The following WDFY3 variants were observed in gnomAD, a reference collection of about 807,000 sequenced individuals.
WDFY3 encodes the protein WD repeat and FYVE domain containing 3, also known as WD repeat and FYVE domain-containing protein 3.
Under a neutral mutation model 409.6 loss-of-function variants are expected in WDFY3, and 66 were observed. That is an observed-to-expected ratio of 0.16 (90% CI 0.13 to 0.20). The LOEUF (loss-of-function observed/expected upper bound fraction) is 0.20. WDFY3 is among the 10% of genes least tolerant of loss of function. The pLI is 1.00. For synonymous variants in WDFY3, 1,521 were observed against 1,537.1 expected (o/e 0.99, Z 0.25); for missense variants, 3,031 against 4,298.1 (o/e 0.71, Z 8.24).
At chr4:84,732,340 A>T (rs1022712642) in intron 44 of WDFY3, among the ~76,000 whole-genome samples, 11 of 152,216 alleles carry the variant, frequency 7.2e-5, no homozygotes, top group Non-Finnish European at 5.9e-5. Context: ...TGATTAAATC[A>T]AGCTAATTAA....
At chr4:84,684,220 A>ATTTTCT in intron 62 of WDFY3, 95 bp from the exon 63 acceptor site, 1 of 1,282,360 alleles carries the variant, frequency 7.8e-7, no homozygotes. Context: ...GTTCTCAGAA[A>ATTTTCT]GCCTTTCAGT....
chr4:84,755,633 A>T (rs777364582), intron 33 of WDFY3, among the ~76,000 whole-genome samples: 56 of 152,332 alleles, frequency 3.7e-4, no homozygotes, highest in South Asian at 4.1e-4. Flanking sequence ...TTAGGTACCT[A>T]TGTTAAAAAC....
chr4:84,684,931 G>A (rs1381500862), intron 62 of WDFY3, among the ~76,000 whole-genome samples: 1 of 152,208 alleles, frequency 6.6e-6, no homozygotes, highest in African/African-American at 2.4e-5. Context: ...GACTTCAGAT[G>A]TTCTAGTTAA....
intron 13 of WDFY3, among the ~76,000 whole-genome samples, chr4:84,813,546 C>T (rs1014101224): frequency 6.6e-6 from 1 of 152,116 alleles, no homozygotes; most frequent in Non-Finnish European, 1.5e-5. Flanking sequence ...CATTCAGTGG[C>T]ACATTAGTTG....
rs755751886 is a variant in WDFY3 at position 84,684,069 on chromosome 4, G to T, written c.9600C>A (p.Asn3200Lys). Residue 3200 changes from asparagine (N) to lysine (K), a missense_variant, in exon 63 of 68, where the codon AAC becomes AAA. Around this residue, in one of 16 missense-constraint regions of WDFY3, gnomAD observed 378 missense variants for 477.3 expected, o/e 0.79. Coordinates refer to ENST00000295888, the MANE Select transcript of WDFY3 (RefSeq NM_014991.6). The stretch of plus-strand genomic sequence containing the variant: ...TGAACGTGTTGACACTCACGATAGG[G>T]TTCCCATTGATGCTCCACACATGGA... ...TYIHVWSING[N>K]PIVSVNTFTG... 3 of 1,612,680 alleles carry T rather than the reference G, an allele frequency of 1.9e-6. No individual in the cohort carries two copies. The highest frequency in any genetic ancestry group is 1.7e-5 in the Admixed American group (1 of 59,982).
At position 84,778,659 on chromosome 4, in the gene WDFY3, C is replaced by T. The variant is rs60806853; in HGVS notation, c.4366-4G>A. ...TCTTAAGCAACATTGCCAGCAACTACAAGAAAGTAATACCAAATGCCTGTT... is the reference window on the plus strand; with the variant it reads ...TCTTAAGCAACATTGCCAGCAACTATAAGAAAGTAATACCAAATGCCTGTT... On this transcript the variant is annotated splice_polypyrimidine_tract_variant and splice_region_variant and intron_variant, in intron 26 of 67. Coordinates refer to ENST00000295888, the MANE Select transcript of WDFY3 (RefSeq NM_014991.6). 3 of 1,603,148 alleles carry T rather than the reference C, an allele frequency of 1.9e-6. No homozygotes were observed. The highest frequency in any genetic ancestry group is 2.5e-6 in the Non-Finnish European group (3 of 1,176,692).
At chr4:84,829,438 AT>A (rs1433608282) in intron 8 of WDFY3, among the ~76,000 whole-genome samples, 1 of 152,116 alleles carries the variant, frequency 6.6e-6, no homozygotes, top group African/African-American at 2.4e-5. Context: ...TGTACCTGTC[AT>A]TTTTTCACAT....
intron 58 of WDFY3, among the ~76,000 whole-genome samples, chr4:84,694,416 C>T (rs954828513): frequency 6.6e-6 from 1 of 152,192 alleles, no homozygotes; most frequent in Non-Finnish European, 1.5e-5. Flanking sequence ...GGCATCCAAA[C>T]GATACTTCCC....
intron 21 of WDFY3, among the ~76,000 whole-genome samples, chr4:84,792,147 T>A (rs1468953535): frequency 6.6e-6 from 1 of 152,230 alleles, no homozygotes; most frequent in African/African-American, 2.4e-5. Flanking sequence ...TTATTTCTAT[T>A]TTTAGAATCT....
intron 44 of WDFY3, among the ~76,000 whole-genome samples, chr4:84,732,433 AGATT>A (rs893934851): frequency 2.6e-4 from 40 of 152,302 alleles, no homozygotes; most frequent in African/African-American, 9.4e-4. Flanking sequence ...AATGTACAAT[AGATT>A]ATTATCAATT....
chr4:84,691,820 C>A, intron 59 of WDFY3, 35 bp from the exon 60 acceptor site: 1 of 1,555,240 alleles, frequency 6.4e-7, no homozygotes. Context: ...AGGACAGGAA[C>A]AGGAAAAACT....
chr4:84,924,305 A>T (rs1769693467), intron 2 of WDFY3, among the ~76,000 whole-genome samples: 1 of 152,256 alleles, frequency 6.6e-6, no homozygotes, highest in African/African-American at 2.4e-5. Context: ...ATGAATAGAA[A>T]TACATACACG....
intron 13 of WDFY3, among the ~76,000 whole-genome samples, chr4:84,813,301 G>A (rs772327615): frequency 5.9e-5 from 9 of 151,994 alleles, no homozygotes; most frequent in Non-Finnish European, 1.2e-4. Context: ...AGCTCATACC[G>A]GCTCTCAAGA....
At chr4:84,737,146 TG>T in intron 41 of WDFY3, 37 bp downstream of exon 41, 1 of 1,611,762 alleles carries the variant, frequency 6.2e-7, no homozygotes, top group South Asian at 1.1e-5. Context: ...GATAGCCACA[TG>T]TAAATCTCCT....
chr4:84,821,757 A>G (rs1160951369), intron 10 of WDFY3, among the ~76,000 whole-genome samples: 1 of 152,236 alleles, frequency 6.6e-6, no homozygotes, highest in Non-Finnish European at 1.5e-5. Context: ...TTAATGCATT[A>G]TTATGAATAT....
intron 15 of WDFY3, chr4:84,804,110 G>A (rs888426810): frequency 1.3e-5 from 2 of 152,128 alleles, no homozygotes; most frequent in African/African-American, 4.8e-5. Flanking sequence ...GCAATTTACA[G>A]AAAAAGTTTC....
chr4:84,898,018 T>C (rs560517786), intron 2 of WDFY3, among the ~76,000 whole-genome samples: 2 of 152,304 alleles, frequency 1.3e-5, no homozygotes, highest in South Asian at 4.1e-4. Flanking sequence ...ACCTCTTTTA[T>C]AGGGATTATA....
intron 14 of WDFY3, chr4:84,809,141 AAC>A (rs770069205): frequency 6.6e-6 from 1 of 152,234 alleles, no homozygotes; most frequent in Non-Finnish European, 1.5e-5. Context: ...CTTCATTGAA[AAC>A]ACAGTTGAAG....
intron 3 of WDFY3, among the ~76,000 whole-genome samples, chr4:84,891,871 C>T (rs1313138697): frequency 2.0e-5 from 3 of 152,156 alleles, no homozygotes; most frequent in Admixed American, 6.5e-5. Flanking sequence ...TTGAGCACTA[C>T]ATTCATTTCT....
Sources: gnomAD v4.1 joint callset for allele counts (sites outside exome capture counted in the v4.1 genomes callset) on GRCh38, gnomAD v4.1.1 for gene constraint, gnomAD v4.1.1 regional missense constraint, MANE v1.5 for transcripts, NCBI Gene and HGNC (gene_info 2026-07-23, HGNC 2026-07-21) for gene names.